Variants in EVI5 observed in about 807,000 individuals in gnomAD.
EVI5 encodes ecotropic viral integration site 5, also known as ecotropic viral integration site 5 protein homolog.
Under a neutral mutation model 112.0 loss-of-function variants are expected in EVI5, and 73 were observed. That is an observed-to-expected ratio of 0.65 (90% CI 0.54 to 0.79). The LOEUF (loss-of-function observed/expected upper bound fraction) is 0.79. Ranked by LOEUF, EVI5 falls within the 30% of genes least tolerant of loss-of-function variation. EVI5 has a pLI of 0.00. For synonymous variants in EVI5, 305 were observed against 319.9 expected (o/e 0.95, Z 0.50); for missense variants, 900 against 968.8 (o/e 0.93, Z 0.94).
chr1:92,577,053 T>C (rs1413100890), intron 18 of EVI5, among the ~76,000 whole-genome samples: 1 of 152,194 alleles, frequency 6.6e-6, no homozygotes, highest in African/African-American at 2.4e-5. Context: ...GACTTCAGAA[T>C]ATACTGAGAA....
intron 19 of EVI5, among the ~76,000 whole-genome samples, chr1:92,525,781 C>T (rs541431934): frequency 1.3e-5 from 2 of 152,344 alleles, no homozygotes; most frequent in South Asian, 4.1e-4. Flanking sequence ...CAGTTTACTG[C>T]TTCTTTCGGA....
intron 2 of EVI5, among the ~76,000 whole-genome samples, chr1:92,718,792 C>G (rs2102677604): frequency 6.6e-6 from 1 of 151,986 alleles, no homozygotes; most frequent in South Asian, 2.1e-4. Flanking sequence ...ATTGATAGAC[C>G]TCAAGCAAGA....
At chr1:92,652,188 C>T (rs559685390) in intron 13 of EVI5, among the ~76,000 whole-genome samples, 8 of 152,126 alleles carry the variant, frequency 5.3e-5, no homozygotes, top group Non-Finnish European at 1.0e-4. Flanking sequence ...GATTCTGATA[C>T]CTGTTATAAC....
intron 1 of EVI5, among the ~76,000 whole-genome samples, chr1:92,738,823 A>G (rs1677869060): frequency 1.3e-5 from 2 of 152,142 alleles, no homozygotes; most frequent in Admixed American, 1.3e-4. Context: ...CTTTAATTTT[A>G]CTTTTCCAAA....
At chr1:92,699,403 C>T (rs1021631307) in intron 5 of EVI5, among the ~76,000 whole-genome samples, 3 of 152,140 alleles carry the variant, frequency 2.0e-5, no homozygotes, top group Non-Finnish European at 4.4e-5. Flanking sequence ...CTACCTATAT[C>T]CTCAATCTCT....
chr1:92,579,984 C>T (rs985207274), intron 18 of EVI5, among the ~76,000 whole-genome samples: 2 of 152,096 alleles, frequency 1.3e-5, no homozygotes, highest in African/African-American at 4.8e-5. Flanking sequence ...GGAGAAGGAA[C>T]ATTTAGAATA....
intron 14 of EVI5, among the ~76,000 whole-genome samples, chr1:92,631,342 CTCTTT>C (rs1657046369): frequency 6.6e-6 from 1 of 152,090 alleles, no homozygotes; most frequent in Non-Finnish European, 1.5e-5. Flanking sequence ...TCTTTGTATC[CTCTTT>C]TATTTCATTG....
intron 1 of EVI5, among the ~76,000 whole-genome samples, chr1:92,740,787 T>G (rs575778702): frequency 6.6e-6 from 1 of 152,214 alleles, no homozygotes; most frequent in African/African-American, 2.4e-5. Flanking sequence ...GTATTTCTTA[T>G]AGTCATATGG....
chr1:92,614,043 C>T (rs750672985), intron 16 of EVI5, among the ~76,000 whole-genome samples: 2 of 152,218 alleles, frequency 1.3e-5, no homozygotes, highest in Non-Finnish European at 1.5e-5. Flanking sequence ...TGGCAAACAG[C>T]TCCTACTCTA....
chr1:92,710,757 G>T (rs971529073), intron 2 of EVI5, among the ~76,000 whole-genome samples: 1 of 151,164 alleles, frequency 6.6e-6, no homozygotes, highest in African/African-American at 2.5e-5. Flanking sequence ...TGGGGTTGGG[G>T]GGGGGGTGCC....
At position 92,604,252 on chromosome 1, in the gene EVI5, C is replaced by T. The variant is rs138928464; in HGVS notation, c.2070+1055G>A. 5.3e-5 allele frequency among the ~76,000 whole-genome samples: 8 copies of T among 151,484 alleles called. No homozygotes were observed. In the East Asian group the frequency reaches 1.4e-3, roughly 26 times the overall value. On this transcript the variant is annotated intron_variant, in intron 18 of 19. Transcript: ENST00000684568. ...ATGTGTGCCTGTAGTCCCAGGTACT[C>T]GGGAAGCTGATGAGGACTGCTTGAG...
chr1:92,583,112 T>G (rs1672214165), intron 18 of EVI5, among the ~76,000 whole-genome samples: 1 of 152,188 alleles, frequency 6.6e-6, no homozygotes. Context: ...GTCTTGTAGA[T>G]CTTTATTCTT....
chr1:92,702,296 G>T, intron 4 of EVI5, 81 bp from the exon 5 acceptor site: 1 of 695,358 alleles, frequency 1.4e-6, no homozygotes, highest in Admixed American at 3.2e-5. Flanking sequence ...TGGCAAGACA[G>T]ACAGATTAAA....
intron 16 of EVI5, among the ~76,000 whole-genome samples, chr1:92,608,285 A>C (rs1321838701): frequency 1.3e-5 from 2 of 152,242 alleles, no homozygotes; most frequent in Non-Finnish European, 2.9e-5. Context: ...AAACTATAAA[A>C]ATTCTTATAC....
At chr1:92,590,393 G>C (rs1571745949) in intron 18 of EVI5, among the ~76,000 whole-genome samples, 1 of 152,164 alleles carries the variant, frequency 6.6e-6, no homozygotes, top group East Asian at 1.9e-4. Flanking sequence ...TGGTTAACTA[G>C]AATAACCAAT....
chr1:92,710,964 G>A (rs1672757276), intron 2 of EVI5, among the ~76,000 whole-genome samples: 3 of 152,148 alleles, frequency 2.0e-5, no homozygotes, highest in South Asian at 2.1e-4. Flanking sequence ...GACCTTCACC[G>A]TATCTTTGCT....
chr1:92,673,368 C>T (rs1417490490), intron 10 of EVI5, among the ~76,000 whole-genome samples: 1 of 152,042 alleles, frequency 6.6e-6, no homozygotes, highest in South Asian at 2.1e-4. Flanking sequence ...TAGATCTCTG[C>T]GTCCCGAAGC....
chr1:92,785,180 G>C, upstream of EVI5: 2 of 851,080 alleles, frequency 2.3e-6, no homozygotes, highest in African/African-American at 1.8e-5. Context: ...AGCAGGTTAG[G>C]GGCCGGGCGG....
At chr1:92,545,444 T>G (rs1665526554) in intron 19 of EVI5, among the ~76,000 whole-genome samples, 1 of 151,684 alleles carries the variant, frequency 6.6e-6, no homozygotes, top group African/African-American at 2.4e-5. Flanking sequence ...TTAAAGTGAA[T>G]TACTATATTT....
Sources: gnomAD v4.1 joint callset for allele counts (sites outside exome capture counted in the v4.1 genomes callset) on GRCh38, gnomAD v4.1.1 for gene constraint, MANE v1.5 for transcripts, NCBI Gene and HGNC (gene_info 2026-07-23, HGNC 2026-07-21) for gene names.